Variants in CD44 observed in about 807,000 individuals in gnomAD.
CD44 encodes CD44 molecule (IN blood group).
CD44 carries 49 observed loss-of-function variants against 88.8 expected under a neutral mutation model. The ratio of observed to expected loss-of-function variants is 0.55; its 90% CI spans 0.44 to 0.70. The LOEUF (loss-of-function observed/expected upper bound fraction) is 0.70, where lower values mean the gene tolerates loss of function less well. Among genes scored for constraint, CD44 ranks in the 30% least tolerant of loss-of-function variants. The probability of loss-of-function intolerance (pLI) is 0.00; values close to 1 mark genes in which losing one functional copy is unlikely to be tolerated. For synonymous variants in CD44, 325 were observed against 312.3 expected (o/e 1.04, Z -0.43); for missense variants, 883 against 913.8 (o/e 0.97, Z 0.43).
intron 7 of CD44, among the ~76,000 whole-genome samples, chr11:35,199,260 G>GA (rs1157572773): frequency 2.0e-5 from 3 of 152,164 alleles, no homozygotes; most frequent in Non-Finnish European, 4.4e-5. Context: ...AAAACTTTTT[G>GA]AGAACAAAGA....
intron 3 of CD44, among the ~76,000 whole-genome samples, chr11:35,185,492 A>G (rs1945570081): frequency 6.6e-6 from 1 of 152,192 alleles, no homozygotes; most frequent in Non-Finnish European, 1.5e-5. Context: ...TAAGTACACA[A>G]AAATTATAGC....
chr11:35,217,319 T>C (rs1242711789), intron 15 of CD44, among the ~76,000 whole-genome samples: 3 of 149,868 alleles, frequency 2.0e-5, no homozygotes, highest in Admixed American at 2.0e-4. Flanking sequence ...GTTAATGGCC[T>C]CTTTTTAAAT....
At chr11:35,149,906 C>T (rs114513548) in intron 1 of CD44, among the ~76,000 whole-genome samples, 19 of 152,282 alleles carry the variant, frequency 1.2e-4, no homozygotes, top group African/African-American at 2.9e-4. Flanking sequence ...GTGCTTTGCC[C>T]GTAGTACTTC....
intron 1 of CD44, among the ~76,000 whole-genome samples, chr11:35,154,581 T>A (rs1015657013): frequency 1.3e-5 from 2 of 152,258 alleles, no homozygotes; most frequent in Non-Finnish European, 2.9e-5. Context: ...TAAACAACTA[T>A]GTCTTGTAAA....
intron 1 of CD44, among the ~76,000 whole-genome samples, chr11:35,156,673 C>A (rs1301699329): frequency 6.6e-6 from 1 of 152,162 alleles, no homozygotes; most frequent in African/African-American, 2.4e-5. Context: ...AAAAAGGCTT[C>A]CCTTTCCACT....
At chr11:35,185,301 G>A (rs1011880078) in intron 3 of CD44, among the ~76,000 whole-genome samples, 4 of 152,116 alleles carry the variant, frequency 2.6e-5, no homozygotes, top group African/African-American at 9.7e-5. Context: ...CAAGAATGGT[G>A]TTTCCTAAAA....
chr11:35,155,056 A>T (rs1432880109), intron 1 of CD44, among the ~76,000 whole-genome samples: 2 of 152,202 alleles, frequency 1.3e-5, no homozygotes, highest in African/African-American at 4.8e-5. Context: ...GAAAGAGTGT[A>T]TATTCACAAA....
At position 35,229,965 on chromosome 11, in the gene CD44, T is replaced by C. The variant is rs1482559053; in HGVS notation, c.*632T>C. ...TCAGTATAATTTTTTAAAGTTACTT[T>C]GTCAGAGGCACAAAAGGGTTTAAAC... On this transcript the variant is annotated 3_prime_UTR_variant, in exon 18 of 18. Transcript: ENST00000428726. 1.3e-5 allele frequency: 2 copies of C among 152,486 alleles called. No homozygotes were observed. The highest frequency in any genetic ancestry group is 2.9e-5 in the Non-Finnish European group (2 of 68,222). The allele number at this position is 152,486 out of a possible 1,614,324, so 9.4% of individuals were successfully genotyped here. A position where few individuals can be genotyped will look rare whatever the true frequency, so the allele number is the denominator to read the frequency against.
chr11:35,195,230 A>G (rs992173406), intron 5 of CD44, among the ~76,000 whole-genome samples: 2 of 152,242 alleles, frequency 1.3e-5, no homozygotes, highest in African/African-American at 4.8e-5. Flanking sequence ...TAATGGCCAT[A>G]TTTCAAAATA....
At chr11:35,222,143 T>G (rs1407187502) in intron 17 of CD44, among the ~76,000 whole-genome samples, 1 of 152,210 alleles carries the variant, frequency 6.6e-6, no homozygotes, top group Non-Finnish European at 1.5e-5. Flanking sequence ...CATTCATTGA[T>G]TTGTTAAATA....
intron 1 of CD44, among the ~76,000 whole-genome samples, chr11:35,172,249 C>T (rs1272752025): frequency 9.2e-5 from 14 of 152,174 alleles, no homozygotes; most frequent in Non-Finnish European, 2.1e-4. Flanking sequence ...CAGGATCACA[C>T]ACATAAGGCC....
chr11:35,179,846 C>T (rs1006217035), intron 2 of CD44, among the ~76,000 whole-genome samples: 9 of 152,138 alleles, frequency 5.9e-5, no homozygotes, highest in Non-Finnish European at 1.3e-4. Context: ...AGAAGCACCC[C>T]TTCCTATCTA....
At chr11:35,151,305 C>T (rs1429872745) in intron 1 of CD44, among the ~76,000 whole-genome samples, 1 of 152,060 alleles carries the variant, frequency 6.6e-6, no homozygotes. Flanking sequence ...TGGCACTGTC[C>T]ACTGGCAGAA....
At chr11:35,217,800 G>GA (rs554745567) in intron 15 of CD44, among the ~76,000 whole-genome samples, 2 of 150,894 alleles carry the variant, frequency 1.3e-5, no homozygotes, top group Non-Finnish European at 3.0e-5. Context: ...CATTTGGTAG[G>GA]AAAAAAAAAG....
chr11:35,190,803 A>T (rs975761714), intron 5 of CD44, among the ~76,000 whole-genome samples: 1 of 152,228 alleles, frequency 6.6e-6, no homozygotes, highest in Non-Finnish European at 1.5e-5. Flanking sequence ...AGAGCTCTAT[A>T]ATCCAGCCTG....
rs1370792786 is a variant in CD44 at position 35,204,753 on chromosome 11, G to C, written c.1282+113G>C. 6.2e-6 allele frequency: 6 copies of C among 966,004 alleles called. No individual in the cohort carries two copies. The African/African-American group carries it at 9.9e-5, about 16-fold the overall frequency. The allele number at this position is 966,004 out of a possible 1,614,324, so 59.8% of individuals were successfully genotyped here. On this transcript the variant is annotated intron_variant, in intron 10 of 17. Coordinates refer to ENST00000428726, the MANE Select transcript of CD44 (RefSeq NM_000610.4). The stretch of plus-strand genomic sequence containing the variant: ...TGGAGGAATTGTCACGAGATGTTAG[G>C]TTACTTAATAAATTATGCTGCAGTT...
intron 15 of CD44, 165 bp downstream of exon 15, chr11:35,215,079 C>T: frequency 2.4e-6 from 1 of 415,554 alleles, no homozygotes; most frequent in South Asian, 8.0e-5. Context: ...TGGACCCCAC[C>T]CTTAAGGTTC....
intron 1 of CD44, among the ~76,000 whole-genome samples, chr11:35,142,779 G>T (rs763486940): frequency 6.6e-6 from 1 of 152,220 alleles, no homozygotes; most frequent in Non-Finnish European, 1.5e-5. Context: ...CCCCACAAAG[G>T]AGGGGATGCT....
At chr11:35,194,502 C>T (rs559970430) in intron 5 of CD44, among the ~76,000 whole-genome samples, 2 of 152,332 alleles carry the variant, frequency 1.3e-5, no homozygotes, top group South Asian at 4.1e-4. Flanking sequence ...TGGTAATTCA[C>T]AGCCTAAGAC....
Sources: allele counts gnomAD v4.1 joint callset (sites outside exome capture counted in the v4.1 genomes callset), GRCh38; gene constraint gnomAD v4.1.1; transcripts MANE v1.5; gene names NCBI Gene and HGNC (gene_info 2026-07-23, HGNC 2026-07-21).